The following FMN1 variants were observed in gnomAD, a reference collection of about 807,000 sequenced individuals.
The protein encoded by FMN1 is formin 1.
A neutral mutation model predicts 132.4 loss-of-function variants in FMN1; 110 were observed. The ratio of observed to expected loss-of-function variants is 0.83; its 90% CI spans 0.71 to 0.97. The LOEUF is 0.97. FMN1 is among the 50% of genes least tolerant of loss of function. The pLI is 0.00. For missense variants in FMN1, 1,792 were observed against 1,705.3 expected (o/e 1.05, Z -0.90); for synonymous variants, 722 against 651.7 (o/e 1.11, Z -1.64).
At position 32,905,553 on chromosome 15, in the gene FMN1, A is replaced by C. The variant is rs542283416; in HGVS notation, c.3377+2937T>G. Among the ~76,000 whole-genome samples, 15 of 152,250 alleles carry C rather than the reference A, an allele frequency of 9.9e-5. 1 individual carries two copies. The highest frequency in any genetic ancestry group is 3.9e-4 in the Admixed American group (6 of 15,296). On this transcript the variant is annotated intron_variant, in intron 12 of 20. Coordinates refer to ENST00000616417, the MANE Select transcript of FMN1 (RefSeq NM_001277313.2). ...AGAGTCAACGGCCATCCCTAGAGGG[A>C]GTGGTTCTCAGACAGCCTGGTCCCA... is the stretch of plus-strand genomic sequence containing the variant.
At chr15:32,870,601 G>C (rs76047735) in intron 16 of FMN1, among the ~76,000 whole-genome samples, 4,697 of 152,264 alleles carry the variant, frequency 0.031, 210 homozygotes, top group African/African-American at 0.096. Context: ...CAAAGGTCCC[G>C]CCTACCAAAC....
chr15:33,120,819 A>G (rs1351154625), intron 4 of FMN1, among the ~76,000 whole-genome samples: 1 of 150,338 alleles, frequency 6.7e-6, no homozygotes, highest in African/African-American at 2.5e-5. Context: ...ATGTTTATGT[A>G]TTTTTAAAAG....
At chr15:33,174,754 C>CATACTCG (rs535992360) in intron 3 of FMN1, among the ~76,000 whole-genome samples, 34,197 of 151,960 alleles carry the variant, frequency 0.23, 4,481 homozygotes, top group Middle Eastern at 0.32. Context: ...TTGCCAGCTC[C>CATACTCG]CATACTGTGA....
chr15:33,154,566 C>G lies in FMN1; in HGVS notation c.349G>C (p.Gly117Arg). 2 of 1,536,112 alleles carry G rather than the reference C, an allele frequency of 1.3e-6. No homozygotes were observed. The highest frequency in any genetic ancestry group is 1.7e-6 in the Non-Finnish European group (2 of 1,146,904). ...CTCACGGACAGCTCTTGCAGCTTCC[C>G]CTCCTGGTTCCCCATCGTGATCCCC... Reference protein sequence around the residue: ...ILGITMGNQEGKLQELSVSLA... With the variant: ...ILGITMGNQERKLQELSVSLA... Residue 117 changes from glycine to arginine, a missense_variant, in exon 4 of 21, where the codon GGG becomes CGG. Around this residue, in one of 3 missense-constraint regions of FMN1, gnomAD observed 638 missense variants for 645.2 expected, o/e 0.99. Coordinates refer to ENST00000616417, the MANE Select transcript of FMN1 (RefSeq NM_001277313.2).
chr15:32,789,354 T>C (rs1351887540), intron 19 of FMN1, among the ~76,000 whole-genome samples: 1 of 152,246 alleles, frequency 6.6e-6, no homozygotes, highest in Non-Finnish European at 1.5e-5. Flanking sequence ...GGACACCGTA[T>C]GTGATCAATA....
At chr15:32,778,204 A>T (rs1444606802) in intron 19 of FMN1, among the ~76,000 whole-genome samples, 4 of 132,618 alleles carry the variant, frequency 3.0e-5, no homozygotes, top group Admixed American at 2.6e-4. Flanking sequence ...TAATACATTT[A>T]TTTATATATT....
chr15:33,012,778 T>G (rs1224518279), intron 6 of FMN1: 2 of 710,922 alleles, frequency 2.8e-6, no homozygotes, highest in Non-Finnish European at 5.2e-6. Flanking sequence ...TGGAGAAAAC[T>G]TCAGTGGTCA....
intron 6 of FMN1, among the ~76,000 whole-genome samples, chr15:33,028,650 G>A (rs1280456365): frequency 6.6e-6 from 1 of 152,220 alleles, no homozygotes; most frequent in Admixed American, 6.5e-5. Context: ...CATCTGGGCA[G>A]CATGTGAAGG....
chr15:32,855,823 T>C (rs1198189698), intron 17 of FMN1, among the ~76,000 whole-genome samples: 1 of 152,218 alleles, frequency 6.6e-6, no homozygotes, highest in Non-Finnish European at 1.5e-5. Flanking sequence ...ATTTACACAG[T>C]ATAATTATAC....
intron 9 of FMN1, among the ~76,000 whole-genome samples, chr15:32,933,679 G>A (rs758587474): frequency 5.3e-5 from 8 of 152,008 alleles, no homozygotes; most frequent in Non-Finnish European, 8.8e-5. Flanking sequence ...ATATCTTCCT[G>A]GTGAATTGAC....
At chr15:33,046,255 A>G (rs1278334221) in intron 6 of FMN1, among the ~76,000 whole-genome samples, 1 of 152,192 alleles carries the variant, frequency 6.6e-6, no homozygotes, top group Non-Finnish European at 1.5e-5. Flanking sequence ...CCTGGGAAGC[A>G]GCGAGTCTTA....
chr15:33,010,123 A>G (rs1047635033), intron 6 of FMN1, among the ~76,000 whole-genome samples: 4 of 152,108 alleles, frequency 2.6e-5, no homozygotes, highest in Admixed American at 2.0e-4. Flanking sequence ...ACCTCAGGTG[A>G]TTCACCCCCC....
chr15:32,895,078 A>G (rs1043933522), intron 15 of FMN1, among the ~76,000 whole-genome samples: 3 of 152,142 alleles, frequency 2.0e-5, no homozygotes, highest in African/African-American at 7.2e-5. Context: ...TTTTGCTATC[A>G]TAAGCTATTA....
At chr15:32,780,473 A>T in intron 19 of FMN1, among the ~76,000 whole-genome samples, 1 of 152,232 alleles carries the variant, frequency 6.6e-6, no homozygotes, top group East Asian at 1.9e-4. Flanking sequence ...GGAGGCATGA[A>T]TAATCTATCC....
intron 9 of FMN1, among the ~76,000 whole-genome samples, chr15:32,963,434 A>G (rs528606313): frequency 1.3e-5 from 2 of 152,224 alleles, no homozygotes; most frequent in South Asian, 4.2e-4. Context: ...AGCATGGCAC[A>G]TGTATACATA....
chr15:33,047,693 C>T (rs1333069476), intron 6 of FMN1, among the ~76,000 whole-genome samples: 1 of 152,168 alleles, frequency 6.6e-6, no homozygotes, highest in Non-Finnish European at 1.5e-5. Flanking sequence ...TGAAGACTCC[C>T]ATGGGAGATG....
At position 33,107,642 on chromosome 15, in the gene FMN1, CTCAAGT is replaced by C. The variant is rs1236436251; in HGVS notation, c.1868-18674_1868-18669del. ...TTAAATGGCTGATTTCTTCACATCA[CTCAAGT>C]TCAAGTTCATGCTCAAATATCCTTC... is the stretch of plus-strand genomic sequence containing the variant. On this transcript the variant is annotated intron_variant, in intron 4 of 20. Transcript: ENST00000616417. Among the ~76,000 whole-genome samples, 6 of 152,230 alleles carry C rather than the reference CTCAAGT, an allele frequency of 3.9e-5. No individual in the cohort carries two copies. The East Asian group carries it at 1.2e-3, about 29-fold the overall frequency.
At chr15:33,118,750 TTAAG>T (rs1209700758) in intron 4 of FMN1, among the ~76,000 whole-genome samples, 25 of 152,140 alleles carry the variant, frequency 1.6e-4, no homozygotes, top group African/African-American at 3.4e-4. Flanking sequence ...ATAATCTAGA[TTAAG>T]TATTTCTTGA....
At chr15:33,091,688 G>T (rs935173837) in intron 4 of FMN1, among the ~76,000 whole-genome samples, 27 of 152,138 alleles carry the variant, frequency 1.8e-4, no homozygotes, top group African/African-American at 2.4e-5. Context: ...AAAATAATTT[G>T]GGAATGGAGA....
Sources: allele counts gnomAD v4.1 joint callset (sites outside exome capture counted in the v4.1 genomes callset), GRCh38; gene constraint gnomAD v4.1.1; regional missense constraint gnomAD v4.1.1; transcripts MANE v1.5; gene names NCBI Gene and HGNC (gene_info 2026-07-23, HGNC 2026-07-21).